Variants in DEDD2 observed in about 807,000 individuals in gnomAD.
DEDD2 encodes the protein DNA-binding death effector domain-containing protein 2.
Under a neutral mutation model 28.9 loss-of-function variants are expected in DEDD2, and 18 were observed. The ratio of observed to expected loss-of-function variants is 0.62; its 90% confidence interval spans 0.43 to 0.92. The LOEUF is 0.92. Ranked by LOEUF, DEDD2 falls within the 40% of genes least tolerant of loss-of-function variation. The pLI, the probability that DEDD2 is intolerant of heterozygous loss-of-function variation, is 0.00. For missense variants in DEDD2, 411 were observed against 463.3 expected (o/e 0.89, Z 1.04); for synonymous variants, 211 against 206.1 (o/e 1.02, Z -0.20).
At chr19:42,212,228 T>A (rs1366987333) in intron 3 of DEDD2, among the ~76,000 whole-genome samples, 1 of 151,456 alleles carries the variant, frequency 6.6e-6, no homozygotes, top group East Asian at 2.0e-4. Flanking sequence ...CAGCTGGATA[T>A]GGTGGTGTGT....
chr19:42,217,920 T>A (rs1239009351), upstream of DEDD2, among the ~76,000 whole-genome samples: 1 of 152,128 alleles, frequency 6.6e-6, no homozygotes, highest in Non-Finnish European at 1.5e-5. Flanking sequence ...GGTACCCGGT[T>A]CCAGGTCCCT....
At chr19:42,212,243 G>A (rs1447720495) in intron 3 of DEDD2, among the ~76,000 whole-genome samples, 1 of 151,490 alleles carries the variant, frequency 6.6e-6, no homozygotes, top group Non-Finnish European at 1.5e-5. Flanking sequence ...GTGTGTACCT[G>A]TAGTCCCCGC....
At chr19:42,215,800 G>C (rs1480017729) in intron 2 of DEDD2, among the ~76,000 whole-genome samples, 1 of 152,128 alleles carries the variant, frequency 6.6e-6, no homozygotes, top group African/African-American at 2.4e-5. Context: ...GCTACCGGCA[G>C]CCTGAACCCC....
chr19:42,217,931 A>G (rs1035311114), upstream of DEDD2, among the ~76,000 whole-genome samples: 72 of 151,970 alleles, frequency 4.7e-4, no homozygotes, highest in African/African-American at 1.6e-3. Flanking sequence ...CCAGGTCCCT[A>G]CTTCCTGCCC....
chr19:42,201,799 C>T, intron 4 of DEDD2: 1 of 390,616 alleles, frequency 2.6e-6, no homozygotes, highest in Non-Finnish European at 4.5e-6. Flanking sequence ...CCTCCCATGG[C>T]ATTCAGACCC....
In DEDD2 at chr19:42,199,204, C is replaced by T. The variant is rs2035222704; in HGVS notation, c.*234G>A. On this transcript the variant is annotated 3_prime_UTR_variant, in exon 5 of 5. Coordinates refer to ENST00000596251, the MANE Select transcript of DEDD2 (RefSeq NM_133328.4). This position sits in a 1 kb window ranked among gnomAD's most constrained non-coding sequence, Gnocchi z 7.4. ...CAGGCCCAGCCCCCGCCTCCGGAGG[C>T]TAAGGGGGCACACCTGGGGGTAGGA... 1 of 626,070 alleles carries T rather than the reference C, an allele frequency of 1.6e-6. No individual in the cohort carries two copies. The highest frequency in any genetic ancestry group is 2.7e-6 in the Non-Finnish European group (1 of 376,430). 38.8% of individuals were successfully genotyped at this position (626,070 alleles called of 1,614,324 possible). A position where few individuals can be genotyped will look rare whatever the true frequency, so the allele number is the denominator to read the frequency against.
chr19:42,219,407 C>T (rs1017273879), upstream of DEDD2, among the ~76,000 whole-genome samples: 2 of 151,434 alleles, frequency 1.3e-5, no homozygotes, highest in Non-Finnish European at 1.5e-5. Context: ...TCGAGAGCAG[C>T]CTGACCAATA....
At position 42,209,756 on chromosome 19, in the gene DEDD2, G is replaced by A. The variant is rs1246921616; in HGVS notation, c.533C>T (p.Ala178Val). The stretch of plus-strand genomic sequence containing the variant: ...GGCGGGCTCTGACTGCTGCTGGGGT[G>A]CGGCTGGGGCCCCTCTCCGCCGCCG... ...ARRRRRGAPA[A>V]PQQQSEPARP... is the part of the protein sequence containing the mutation. The change falls in exon 4 of 5, where the codon GCA becomes GTA. Residue 178 changes from alanine to valine, a missense_variant. Transcript: ENST00000596251. 6.2e-7 allele frequency: 1 copy of A among 1,604,610 alleles called. No individual in the cohort carries two copies. The highest frequency in any genetic ancestry group is 8.5e-7 in the Non-Finnish European group (1 of 1,176,140).
At chr19:42,203,005 C>A (rs1372515007) in intron 4 of DEDD2, among the ~76,000 whole-genome samples, 3 of 152,240 alleles carry the variant, frequency 2.0e-5, no homozygotes, top group African/African-American at 7.2e-5. Context: ...TACTTCACAT[C>A]TGCTGACCCC....
intron 4 of DEDD2, among the ~76,000 whole-genome samples, chr19:42,209,130 A>G (rs1339900765): frequency 6.6e-6 from 1 of 152,166 alleles, no homozygotes; most frequent in Non-Finnish European, 1.5e-5. Context: ...AATCCCAGCT[A>G]CTTGGGAGGC....
rs3745231 is a variant in DEDD2 at position 42,209,683 on chromosome 19, A to G, written c.589+17T>C. On this transcript the variant is annotated intron_variant, in intron 4 of 4. Coordinates refer to ENST00000596251, the MANE Select transcript of DEDD2 (RefSeq NM_133328.4). ...CGGGGCACTCTACATGCATTGCCAA[A>G]GCCTACAGACACCTACCACAGGTCA... The G allele has an allele frequency of 0.11, 173,871 of 1,602,012 alleles. 10,339 individuals carry two copies. The highest frequency in any genetic ancestry group is 0.22 in the Middle Eastern group (1,303 of 6,034).
chr19:42,217,419 G>A (rs555810339), intron 1 of DEDD2, among the ~76,000 whole-genome samples: 4 of 152,224 alleles, frequency 2.6e-5, no homozygotes, highest in African/African-American at 9.6e-5. Flanking sequence ...ACCGTCTGAT[G>A]AGTCCCCCGG....
At chr19:42,219,371 C>T (rs561554967), upstream of DEDD2, among the ~76,000 whole-genome samples, 3 of 152,132 alleles carry the variant, frequency 2.0e-5, no homozygotes, top group South Asian at 2.1e-4. Context: ...GAGGCCGAGA[C>T]GGGTGGATCA....
At chr19:42,215,303 C>G (rs375579260) in intron 2 of DEDD2, 51 bp from the exon 3 acceptor site, 26 of 1,603,736 alleles carry the variant, frequency 1.6e-5, no homozygotes, top group Non-Finnish European at 2.0e-5. Context: ...GGCCCTAATT[C>G]CCACCCCTGG....
intron 4 of DEDD2, among the ~76,000 whole-genome samples, chr19:42,205,207 G>A (rs939008860): frequency 6.6e-6 from 1 of 152,170 alleles, no homozygotes; most frequent in African/African-American, 2.4e-5. Flanking sequence ...AACGCAAGGC[G>A]GAGAAAGAGA....
chr19:42,217,332 A>AC (rs1236687484), intron 1 of DEDD2, among the ~76,000 whole-genome samples: 1 of 151,476 alleles, frequency 6.6e-6, no homozygotes, highest in African/African-American at 2.4e-5. Flanking sequence ...CTCGGGGCCC[A>AC]CCCCGGGGCT....
At chr19:42,207,671 G>C (rs1336866783) in intron 4 of DEDD2, among the ~76,000 whole-genome samples, 1 of 152,134 alleles carries the variant, frequency 6.6e-6, no homozygotes, top group East Asian at 1.9e-4. Flanking sequence ...TTCTTCACCT[G>C]GTCCAATTCT....
intron 1 of DEDD2, among the ~76,000 whole-genome samples, chr19:42,217,347 G>A (rs2036023404): frequency 1.3e-5 from 2 of 151,780 alleles, no homozygotes; most frequent in Non-Finnish European, 2.9e-5. Context: ...GGGGCTCCCT[G>A]CTGACTGCCC....
Position 42,199,280 on chromosome 19 carries a change from C to T in DEDD2, c.*158G>A, listed in dbSNP as rs1436380692. ...GAAATGGTTTAGGCCTCAGAGCCCA[C>T]ATCCTGTGGGAGGGGCTGTCAAGGG... On this transcript the variant is annotated 3_prime_UTR_variant, in exon 5 of 5. Coordinates refer to ENST00000596251, the MANE Select transcript of DEDD2 (RefSeq NM_133328.4). This position sits in a 1 kb window ranked among gnomAD's most constrained non-coding sequence, Gnocchi z 7.4. 1.8e-6 allele frequency: 2 copies of T among 1,136,264 alleles called. No individual in the cohort carries two copies. The highest frequency in any genetic ancestry group is 3.3e-5 in the South Asian group (2 of 59,980). The allele number at this position is 1,136,264 out of a possible 1,614,324, so 70.4% of individuals were successfully genotyped here. A position where few individuals can be genotyped will look rare whatever the true frequency, so the allele number is the denominator to read the frequency against.
Sources: gnomAD v4.1 joint callset for allele counts (sites outside exome capture counted in the v4.1 genomes callset) on GRCh38, gnomAD v4.1.1 for gene constraint, Gnocchi (gnomAD v3.1) non-coding constraint, MANE v1.5 for transcripts, NCBI Gene and HGNC (gene_info 2026-07-23, HGNC 2026-07-21) for gene names.